The following ENPP3 variants were observed in gnomAD, a reference collection of about 807,000 sequenced individuals.
The protein encoded by ENPP3 is ectonucleotide pyrophosphatase/phosphodiesterase family member 3.
In ENPP3, 104 loss-of-function variants were observed where a neutral mutation model predicts 117.8. The observed-to-expected ratio is 0.88, with a 90% CI of 0.75 to 1.04. The LOEUF (loss-of-function observed/expected upper bound fraction) is 1.04, where lower values mean the gene tolerates loss of function less well. Ranked by LOEUF, ENPP3 falls within the 50% of genes least tolerant of loss-of-function variation. ENPP3 has a pLI of 0.00. For synonymous variants in ENPP3, 380 were observed against 349.9 expected (o/e 1.09, Z -0.96); for missense variants, 1,026 against 1,051.9 (o/e 0.98, Z 0.34).
intron 15 of ENPP3, chr6:131,710,222 T>TG: frequency 6.2e-7 from 1 of 1,603,952 alleles, no homozygotes; most frequent in East Asian, 2.2e-5. Context: ...AGGGTCTTGA[T>TG]GTGATTTTCT....
intron 9 of ENPP3, among the ~76,000 whole-genome samples, chr6:131,676,354 T>C (rs1778868301): frequency 6.6e-6 from 1 of 152,268 alleles, no homozygotes; most frequent in South Asian, 2.1e-4. Flanking sequence ...TGCATTAGAA[T>C]GTAATCTTTG....
At position 131,685,382 on chromosome 6, in the gene ENPP3, G is replaced by A. The variant is rs1779130454; in HGVS notation, c.1139G>A (p.Cys380Tyr). The A allele has an allele frequency of 1.9e-6, 3 of 1,611,824 alleles. No homozygotes were observed. In the East Asian group the frequency reaches 6.7e-5, roughly 36 times the overall value. ...TATTCAGGAATGGACCAGACTTATT[G>A]TAACAAGATGGAATACATGACTGAT... The part of the protein sequence containing the change: ...LADHGMDQTY[C>Y]NKMEYMTDYF... Residue 380 changes from cysteine to tyrosine, a missense_variant, in exon 13 of 25, where the codon TGT (cysteine) becomes TAT (tyrosine). By Grantham distance (194) the Cys-to-Tyr change is radical. Transcript: ENST00000357639.
chr6:131,724,488 G>A (rs527775041), intron 19 of ENPP3, among the ~76,000 whole-genome samples: 1 of 152,268 alleles, frequency 6.6e-6, no homozygotes, highest in East Asian at 1.9e-4. Flanking sequence ...CTCACCTCAT[G>A]TAGTTGTAAA....
At chr6:131,697,146 T>C (rs1181222857) in intron 15 of ENPP3, among the ~76,000 whole-genome samples, 3 of 152,170 alleles carry the variant, frequency 2.0e-5, no homozygotes, top group Non-Finnish European at 1.5e-5. Context: ...ATGGAAGAAC[T>C]AGATTCCTGC....
At chr6:131,641,672 CTACTTATCGG>C in intron 2 of ENPP3, 142 bp downstream of exon 2, 1 of 553,642 alleles carries the variant, frequency 1.8e-6, no homozygotes, top group South Asian at 2.6e-5. Flanking sequence ...TTTCCCCACT[CTACTTATCGG>C]GAGTCCACAT....
intron 15 of ENPP3, among the ~76,000 whole-genome samples, chr6:131,717,394 G>GCCCT (rs1779920577): frequency 7.1e-6 from 1 of 140,036 alleles, no homozygotes; most frequent in African/African-American, 2.9e-5. Flanking sequence ...GTGTGTGTGT[G>GCCCT]TGTGTGTGTG....
At chr6:131,688,278 A>T (rs1307796624) in intron 14 of ENPP3, among the ~76,000 whole-genome samples, 1 of 152,074 alleles carries the variant, frequency 6.6e-6, no homozygotes, top group Non-Finnish European at 1.5e-5. Context: ...TCGCTTCTGG[A>T]CTCTTCTATT....
intron 15 of ENPP3, among the ~76,000 whole-genome samples, chr6:131,699,337 A>G (rs1242020051): frequency 1.3e-5 from 2 of 150,740 alleles, no homozygotes; most frequent in Admixed American, 1.3e-4. Context: ...ATTTTAAAAT[A>G]TAAAAGTAAA....
At chr6:131,653,587 C>CT (rs1230075262) in intron 5 of ENPP3, among the ~76,000 whole-genome samples, 1 of 152,072 alleles carries the variant, frequency 6.6e-6, no homozygotes, top group African/African-American at 2.4e-5. Flanking sequence ...TTCCTGTCTT[C>CT]TTTTTTTAAA....
intron 21 of ENPP3, among the ~76,000 whole-genome samples, chr6:131,734,761 G>T (rs938706513): frequency 6.6e-6 from 1 of 151,822 alleles, no homozygotes; most frequent in African/African-American, 2.4e-5. Flanking sequence ...AATTAGCTGG[G>T]TTTGCTGGTG....
chr6:131,655,499 T>A (rs1778366553), intron 5 of ENPP3, among the ~76,000 whole-genome samples: 1 of 152,106 alleles, frequency 6.6e-6, no homozygotes, highest in South Asian at 2.1e-4. Flanking sequence ...CTCCCTCAAG[T>A]CATAGGCTGA....
At position 131,651,617 on chromosome 6, in the gene ENPP3, A is replaced by T. The variant is rs377703350; in HGVS notation, c.278-925A>T. On this transcript the variant is annotated intron_variant, in intron 3 of 24. Transcript: ENST00000357639. ...AGAAATGCTGTTCTCTAGGTGGAAA[A>T]GACAGCTTACAATGTTTAATTCCCT... is the stretch of plus-strand genomic sequence containing the variant. 1.8e-4 allele frequency among the ~76,000 whole-genome samples: 28 copies of T among 152,304 alleles called. No homozygotes were observed. The East Asian group carries it at 4.1e-3, about 22-fold the overall frequency.
At chr6:131,698,136 G>A (rs1779450558) in intron 15 of ENPP3, among the ~76,000 whole-genome samples, 1 of 152,016 alleles carries the variant, frequency 6.6e-6, no homozygotes, top group Non-Finnish European at 1.5e-5. Context: ...TGTTTTGAAG[G>A]GAAGATTCAG....
intron 15 of ENPP3, among the ~76,000 whole-genome samples, 154 bp from the exon 16 acceptor site, chr6:131,718,518 T>G (rs999261494): frequency 2.0e-5 from 3 of 152,068 alleles, no homozygotes; most frequent in African/African-American, 4.8e-5. Context: ...ATATAAAAAT[T>G]TATTCTGTTG....
chr6:131,742,360 G>A (rs1780544025), intron 24 of ENPP3, among the ~76,000 whole-genome samples: 2 of 152,070 alleles, frequency 1.3e-5, no homozygotes, highest in African/African-American at 2.4e-5. Context: ...TTATTACAGA[G>A]GTTCTAGGTA....
rs1562446869 is a variant in ENPP3 at position 131,679,026 on chromosome 6, C to CTTTCT, written c.1011+1088_1011+1089insTCTTT. Among the ~76,000 whole-genome samples, 20 of 47,856 alleles carry CTTTCT rather than the reference C, an allele frequency of 4.2e-4. 1 individual carries two copies. Among genetic ancestry groups the CTTTCT allele is most frequent in the East Asian group, 2.0e-3 (2 of 988 alleles). The allele number at this position is 47,856 out of a possible 152,430, so 31.4% of individuals were successfully genotyped here. ...GCTTCCTTCCTTCCTTCCTTCCTTC[C>CTTTCT]TTCTTTCTTTCTTTCTTTCTTTCTT... is the stretch of plus-strand genomic sequence containing the variant. On this transcript the variant is annotated intron_variant, in intron 11 of 24. Transcript: ENST00000357639.
At chr6:131,661,708 T>C (rs1490312528) in intron 6 of ENPP3, among the ~76,000 whole-genome samples, 1 of 152,236 alleles carries the variant, frequency 6.6e-6, no homozygotes, top group Non-Finnish European at 1.5e-5. Context: ...TGAAGAAATA[T>C]CTATTTAGGT....
rs1562446341 is a variant in ENPP3, at chr6:131,678,905, C to CTT, written c.1011+966_1011+967insTT. 2.8e-4 allele frequency among the ~76,000 whole-genome samples: 40 copies of CTT among 143,728 alleles called. 1 individual carries two copies. In the South Asian group the frequency reaches 6.3e-3, roughly 23 times the overall value. 94.3% of individuals were successfully genotyped at this position (143,728 alleles called of 152,430 possible). On this transcript the variant is annotated intron_variant, in intron 11 of 24. Coordinates refer to ENST00000357639, the MANE Select transcript of ENPP3 (RefSeq NM_005021.5). ...TGCCTTCTTTTCCCTTTCTTTCTTTCTCTCTTTCTTTCTTTCTTTCTTTCT... is the reference window on the plus strand; with the variant it reads ...TGCCTTCTTTTCCCTTTCTTTCTTTCTTTCTCTTTCTTTCTTTCTTTCTTTCT...
intron 5 of ENPP3, among the ~76,000 whole-genome samples, chr6:131,653,697 C>T (rs1778314378): frequency 6.6e-6 from 1 of 152,152 alleles, no homozygotes; most frequent in African/African-American, 2.4e-5. Context: ...CAGCTGTGAG[C>T]CACCATGTCT....
Sources: gnomAD v4.1 joint callset for allele counts (sites outside exome capture counted in the v4.1 genomes callset) on GRCh38, gnomAD v4.1.1 for gene constraint, MANE v1.5 for transcripts, NCBI Gene and HGNC (gene_info 2026-07-23, HGNC 2026-07-21) for gene names.